The following SLC24A1 variants were observed in gnomAD, a reference collection of about 807,000 sequenced individuals.
The protein encoded by SLC24A1 is solute carrier family 24 member 1, also known as sodium/potassium/calcium exchanger 1.
Under a neutral mutation model 88.1 loss-of-function variants are expected in SLC24A1, and 52 were observed. That is an observed-to-expected ratio of 0.59 (90% confidence interval 0.47 to 0.74). The LOEUF (loss-of-function observed/expected upper bound fraction) is 0.74, where lower values mean the gene tolerates loss of function less well. Ranked by LOEUF, SLC24A1 falls within the 30% of genes least tolerant of loss-of-function variation. The pLI is 0.00. For synonymous variants in SLC24A1, 455 were observed against 498.0 expected (o/e 0.91, Z 1.15); for missense variants, 1,173 against 1,363.3 (o/e 0.86, Z 2.20).
chr15:65,658,110 G>C (rs189992714), downstream of SLC24A1: 1 of 152,152 alleles, frequency 6.6e-6, no homozygotes, highest in Non-Finnish European at 1.5e-5. Flanking sequence ...AAGCACATGC[G>C]CAGACTTTTG....
At chr15:65,626,059 G>T in intron 2 of SLC24A1, 89 bp downstream of exon 2, 1 of 904,050 alleles carries the variant, frequency 1.1e-6, no homozygotes, top group Admixed American at 1.7e-5. Context: ...TGCTGGATCA[G>T]ACCTCAAGAG....
chr15:65,633,052 G>A (rs566016113), intron 2 of SLC24A1, among the ~76,000 whole-genome samples: 4 of 152,282 alleles, frequency 2.6e-5, no homozygotes, highest in Non-Finnish European at 4.4e-5. Context: ...AGGCTTCCTA[G>A]GGGAGGGGAT....
chr15:65,618,515 G>A (rs1453487035), upstream of SLC24A1, among the ~76,000 whole-genome samples: 1 of 152,138 alleles, frequency 6.6e-6, no homozygotes, highest in Non-Finnish European at 1.5e-5. Context: ...TAATATAGGG[G>A]CTTTTTCTCC....
At chr15:65,629,330 A>T (rs901259925) in intron 2 of SLC24A1, among the ~76,000 whole-genome samples, 1 of 152,238 alleles carries the variant, frequency 6.6e-6, no homozygotes, top group Non-Finnish European at 1.5e-5. Flanking sequence ...TATTTCCAGA[A>T]AAAAATAAAG....
intron 8 of SLC24A1, chr15:65,651,975 G>A: frequency 3.6e-6 from 2 of 556,014 alleles, no homozygotes; most frequent in South Asian, 3.4e-5. Flanking sequence ...TGGCATAGAA[G>A]GCCTTGGAAT....
At chr15:65,621,577 C>T (rs908783956), upstream of SLC24A1, among the ~76,000 whole-genome samples, 3 of 152,200 alleles carry the variant, frequency 2.0e-5, no homozygotes, top group Non-Finnish European at 4.4e-5. Context: ...ATTAGAATCA[C>T]ACAGTAGCAA....
intron 4 of SLC24A1, 55 bp downstream of exon 4, chr15:65,639,758 T>C (rs961965178): frequency 1.1e-5 from 13 of 1,144,002 alleles, no homozygotes; most frequent in Non-Finnish European, 1.7e-5. Flanking sequence ...CCTTCCCTCC[T>C]GCAGCTGGAG....
chr15:65,654,731 G>A lies in SLC24A1; in HGVS notation c.*652G>A, dbSNP rs1189030989. The stretch of plus-strand genomic sequence containing the variant: ...TCTTTTTTTTTTTTTTTGAGACAGA[G>A]TTTGGCTCTTGTTGCCCAGGCTGGT... On this transcript the variant is annotated 3_prime_UTR_variant, in exon 10 of 10. Transcript: ENST00000261892. 4.1e-6 allele frequency: 5 copies of A among 1,233,892 alleles called. No individual in the cohort carries two copies. The highest frequency in any genetic ancestry group is 1.3e-5 in the South Asian group (1 of 78,136). 76.4% of individuals were successfully genotyped at this position (1,233,892 alleles called of 1,614,324 possible). A position where few individuals can be genotyped will look rare whatever the true frequency, so the allele number is the denominator to read the frequency against.
intron 9 of SLC24A1, 150 bp from the exon 10 acceptor site, chr15:65,653,680 C>A: frequency 1.3e-6 from 1 of 769,286 alleles, no homozygotes; most frequent in Non-Finnish European, 2.1e-6. Flanking sequence ...AACTTAATTT[C>A]CTTGTCTGTG....
At chr15:65,631,317 AT>A (rs563933257) in intron 2 of SLC24A1, among the ~76,000 whole-genome samples, 1 of 152,114 alleles carries the variant, frequency 6.6e-6, no homozygotes, top group Non-Finnish European at 1.5e-5. Flanking sequence ...AACCAACAGA[AT>A]TTTTTTTAGT....
Position 65,652,623 on chromosome 15 carries a change from G to T in SLC24A1, c.2884-19G>T. 6.2e-7 allele frequency: 1 copy of T among 1,612,518 alleles called. No individual in the cohort carries two copies. Among genetic ancestry groups the T allele is most frequent in the South Asian group, 1.1e-5 (1 of 90,880 alleles). ...TGCCTCAGGTTTTTCACCTACTGTT[G>T]ACCGTTGCCGTTTACCAGGTTGGTG... On this transcript the variant is annotated intron_variant, in intron 8 of 9. Coordinates refer to ENST00000261892, the MANE Select transcript of SLC24A1 (RefSeq NM_004727.3).
chr15:65,618,689 C>T (rs1264132486), upstream of SLC24A1, among the ~76,000 whole-genome samples: 1 of 151,888 alleles, frequency 6.6e-6, no homozygotes, highest in Non-Finnish European at 1.5e-5. Context: ...TGTCAGCTTA[C>T]AGGGAAAAAA....
chr15:65,634,831 G>A (rs2074861398), intron 2 of SLC24A1, among the ~76,000 whole-genome samples: 1 of 151,180 alleles, frequency 6.6e-6, no homozygotes, highest in South Asian at 2.1e-4. Context: ...GAAAAAAAGA[G>A]AAGAAGACAG....
chr15:65,645,472 A>G, intron 5 of SLC24A1, 140 bp from the exon 6 acceptor site: 1 of 701,288 alleles, frequency 1.4e-6, no homozygotes. Flanking sequence ...TACTTTTCCT[A>G]CCAACAAGAA....
rs542013265 is a variant in SLC24A1, at chr15:65,654,566, C to G, written c.*487C>G. 2.2e-5 allele frequency: 26 copies of G among 1,191,118 alleles called. No individual in the cohort carries two copies. The highest frequency in any genetic ancestry group is 2.7e-5 in the Non-Finnish European group (26 of 947,068). The allele number at this position is 1,191,118 out of a possible 1,614,324, so 73.8% of individuals were successfully genotyped here. On this transcript the variant is annotated 3_prime_UTR_variant, in exon 10 of 10. Coordinates refer to ENST00000261892, the MANE Select transcript of SLC24A1 (RefSeq NM_004727.3). Reference sequence around the variant, plus strand: ...CCTTTTCTGTTCAAATTGTGAGGTTCTATCAGGTTTGTAATCACTGTAGCT... The same window carrying G: ...CCTTTTCTGTTCAAATTGTGAGGTTGTATCAGGTTTGTAATCACTGTAGCT...
Position 65,624,697 on chromosome 15 carries a change from T to C in SLC24A1, c.617T>C (p.Met206Thr). The C allele has an allele frequency of 6.2e-7, 1 of 1,608,336 alleles. No individual in the cohort carries two copies. The highest frequency in any genetic ancestry group is 8.5e-7 in the Non-Finnish European group (1 of 1,177,118). Residue 206 changes from methionine (M) to threonine (T), a missense_variant, in exon 2 of 10, where the codon ATG becomes ACG. Transcript: ENST00000261892. The stretch of plus-strand genomic sequence containing the variant: ...GGCACTTACGTGCCGTCCACATTCA[T>C]GACAATGGAAACAAGCCATGCGATC... ...RVGTYVPSTFMTMETSHAITP... is the reference protein window; with the variant it reads ...RVGTYVPSTFTTMETSHAITP...
Position 65,625,144 on chromosome 15 carries a change from C to T in SLC24A1, c.1064C>T (p.Ser355Leu). ...LRNPSPRTSV[S>L]AIKTAPAIVW... Reference sequence around the variant, plus strand: ...AATCCTTCACCCAGGACCAGTGTATCAGCCATCAAAACAGCCCCAGCCATA... The same window carrying T: ...AATCCTTCACCCAGGACCAGTGTATTAGCCATCAAAACAGCCCCAGCCATA... Residue 355 changes from serine (S) to leucine (L), a missense_variant, in exon 2 of 10, where the codon TCA becomes TTA. Ser to Leu is a moderately radical substitution (Grantham distance 145, BLOSUM62 -2). Coordinates refer to ENST00000261892, the MANE Select transcript of SLC24A1 (RefSeq NM_004727.3). 1.2e-6 allele frequency: 2 copies of T among 1,613,722 alleles called. No individual in the cohort carries two copies. Among genetic ancestry groups the T allele is most frequent in the Non-Finnish European group, 8.5e-7 (1 of 1,179,880 alleles).
intron 5 of SLC24A1, among the ~76,000 whole-genome samples, chr15:65,645,110 C>CA: frequency 6.6e-6 from 1 of 152,240 alleles, no homozygotes; most frequent in Non-Finnish European, 1.5e-5. Context: ...ATCCTATAGA[C>CA]AAGAGTCTCA....
At chr15:65,630,351 G>C (rs1020141405) in intron 2 of SLC24A1, among the ~76,000 whole-genome samples, 1 of 152,186 alleles carries the variant, frequency 6.6e-6, no homozygotes, top group Non-Finnish European at 1.5e-5. Flanking sequence ...CAAACCTGCT[G>C]CCTGTTTAGG....
Sources: allele counts gnomAD v4.1 joint callset (sites outside exome capture counted in the v4.1 genomes callset), GRCh38; gene constraint gnomAD v4.1.1; transcripts MANE v1.5; gene names NCBI Gene and HGNC (gene_info 2026-07-23, HGNC 2026-07-21).